The following CEP170B variants were observed in gnomAD, a reference collection of about 807,000 sequenced individuals.
The protein encoded by CEP170B is centrosomal protein of 170 kDa protein B.
CEP170B carries 55 observed loss-of-function variants against 120.6 expected under a neutral mutation model. That is an observed-to-expected ratio of 0.46 (90% CI 0.37 to 0.57). CEP170B has a LOEUF of 0.57. Among genes scored for constraint, CEP170B ranks in the 20% least tolerant of loss-of-function variants. The probability of loss-of-function intolerance (pLI) is 0.00; values close to 1 mark genes in which losing one functional copy is unlikely to be tolerated. For missense variants in CEP170B, 2,212 were observed against 2,253.3 expected, an observed-to-expected ratio of 0.98 and a Z score of 0.37; for synonymous variants, 1,033 against 954.5, an observed-to-expected ratio of 1.08 and a Z score of -1.52.
At chr14:104,872,114 G>A (rs975221361) in intron 2 of CEP170B, among the ~76,000 whole-genome samples, 3 of 151,950 alleles carry the variant, frequency 2.0e-5, no homozygotes, top group African/African-American at 4.8e-5. Context: ...CAGGGTGTGC[G>A]TGTGTGCGTC....
At chr14:104,880,678 C>A (rs1896101195) in intron 6 of CEP170B, among the ~76,000 whole-genome samples, 1 of 151,424 alleles carries the variant, frequency 6.6e-6, no homozygotes, top group South Asian at 2.1e-4. Context: ...CACTTCTGTA[C>A]ACACCTACCC....
upstream of CEP170B, chr14:104,865,213 C>G (rs1032297371): frequency 1.8e-4 from 1 of 5,460 alleles, no homozygotes; most frequent in Non-Finnish European, 4.2e-4. This position sits in a 1 kb window ranked among gnomAD's most constrained non-coding sequence, Gnocchi z 6.7. Context: ...GGGGGCGGGG[C>G]GGGCGGGGGC....
At position 104,894,775 on chromosome 14, in the gene CEP170B, C is replaced by T. The variant is rs756922470; in HGVS notation, c.4482C>T (p.Ala1494=). The T allele has an allele frequency of 1.2e-6, 2 of 1,605,058 alleles. No homozygotes were observed. Among genetic ancestry groups the T allele is most frequent in the South Asian group, 1.1e-5 (1 of 90,838 alleles). The change falls in exon 19 of 19, where the codon GCC becomes GCT. Residue 1494 remains alanine, a synonymous_variant. Transcript: ENST00000414716. The part of the protein sequence containing the change: ...LDLLTGNRSL[A]SSAQPGLGKG... ...TGCTCACAGGAAACAGGAGCTTGGC[C>T]AGCTCTGCACAGCCGGGGCTGGGGA...
rs77494727 is a variant in CEP170B, at chr14:104,881,681, A to C, written c.473-1047A>C. Among the ~76,000 whole-genome samples, 57 of 151,840 alleles carry C rather than the reference A, an allele frequency of 3.8e-4. No individual in the cohort carries two copies. The East Asian group carries it at 9.1e-3, about 24-fold the overall frequency. ...CAGCCTGGCTCCTTGGCTCCGTTAG[A>C]GCGAGGGCAGCACATTGTGGGGACC... On this transcript the variant is annotated intron_variant, in intron 6 of 18. Coordinates refer to ENST00000414716, the MANE Select transcript of CEP170B (RefSeq NM_001112726.3).
chr14:104,881,197 G>C (rs536562380), intron 6 of CEP170B, among the ~76,000 whole-genome samples: 274 of 152,254 alleles, frequency 1.8e-3, no homozygotes, highest in Non-Finnish European at 2.9e-3. Flanking sequence ...CTGGGAGGAG[G>C]ACAGCTGCAC....
intron 5 of CEP170B, among the ~76,000 whole-genome samples, chr14:104,880,046 C>G (rs1243931161): frequency 2.6e-5 from 4 of 152,146 alleles, no homozygotes; most frequent in Non-Finnish European, 4.4e-5. Context: ...CTGTCCTGCC[C>G]CACCCAAGCA....
Position 104,885,478 on chromosome 14 carries a change from G to A in CEP170B, c.1880G>A (p.Arg627Gln), listed in dbSNP as rs369304576. The A allele has an allele frequency of 2.0e-5, 31 of 1,563,700 alleles. No individual in the cohort carries two copies. Among genetic ancestry groups the A allele is most frequent in the South Asian group, 1.4e-4 (12 of 84,992 alleles). ...DESDDGGVAQ[R>Q]MALLQEFASR... is the part of the protein sequence containing the mutation. The stretch of plus-strand genomic sequence containing the variant: ...TCTGATGACGGGGGCGTGGCCCAGC[G>A]GATGGCGCTACTGCAGGAGTTTGCC... Residue 627 changes from arginine to glutamine, a missense_variant, in exon 10 of 19, where the codon CGG (arginine) becomes CAG (glutamine). Around this residue, in one of 2 missense-constraint regions of CEP170B, gnomAD observed 2,166 missense variants for 2,166.7 expected, o/e 1.00. Transcript: ENST00000414716.
intron 2 of CEP170B, among the ~76,000 whole-genome samples, chr14:104,872,908 T>C (rs1895649352): frequency 6.6e-6 from 1 of 152,188 alleles, no homozygotes; most frequent in Admixed American, 6.5e-5. Context: ...CCAAAATCCA[T>C]GTGTTTGGGG....
In CEP170B at chr14:104,872,357, T is replaced by C. The variant is rs1351255746; in HGVS notation, c.105+3802T>C. Among the ~76,000 whole-genome samples, 159 of 85,816 alleles carry C rather than the reference T, an allele frequency of 1.9e-3. 23 individuals are homozygous for C. Among genetic ancestry groups the C allele is most frequent in the African/African-American group, 6.5e-3 (155 of 23,736 alleles). The allele number at this position is 85,816 out of a possible 152,430, so 56.3% of individuals were successfully genotyped here. A position where few individuals can be genotyped will look rare whatever the true frequency, so the allele number is the denominator to read the frequency against. Reference sequence around the variant, plus strand: ...GGGTGTGCGTGTGTGTGCGTGTGTGTGCCGCGTGTGTGTGCCATGGGTGTG... The same window carrying C: ...GGGTGTGCGTGTGTGTGCGTGTGTGCGCCGCGTGTGTGTGCCATGGGTGTG... On this transcript the variant is annotated intron_variant, in intron 2 of 18. Transcript: ENST00000414716.
chr14:104,888,414 G>C (rs1010279968), intron 12 of CEP170B, among the ~76,000 whole-genome samples: 1 of 152,202 alleles, frequency 6.6e-6, no homozygotes, highest in African/African-American at 2.4e-5. Context: ...CTCAGTGAAG[G>C]GTGCCAAGTA....
At position 104,887,385 on chromosome 14, in the gene CEP170B, G is replaced by T; in HGVS notation, c.3146G>T (p.Gly1049Val). The T allele has an allele frequency of 6.2e-7, 1 of 1,612,174 alleles. No homozygotes were observed. Among genetic ancestry groups the T allele is most frequent in the South Asian group, 1.1e-5 (1 of 91,052 alleles). ...CTGGATTGGCCCAGTGAGGAGCGTGGCCCTGTCCTCGCCCACCTACCCAGC... is the reference window on the plus strand; with the variant it reads ...CTGGATTGGCCCAGTGAGGAGCGTGTCCCTGTCCTCGCCCACCTACCCAGC... The part of the protein sequence containing the change: ...GSLDWPSEER[G>V]PVLAHLPSSD... The change falls in exon 12 of 19, where the codon GGC becomes GTC. Residue 1049 changes from glycine (G) to valine (V), a missense_variant. By Grantham distance (109) the Gly-to-Val change is moderately radical (BLOSUM62 -3). Transcript: ENST00000414716.
chr14:104,886,143 A>G lies in CEP170B; in HGVS notation c.2035+13A>G. On this transcript the variant is annotated intron_variant, in intron 11 of 18. Coordinates refer to ENST00000414716, the MANE Select transcript of CEP170B (RefSeq NM_001112726.3). Reference sequence around the variant, plus strand: ...CCGGGCCTCACAGGTAAGTGGCTCCAGTGCTGCGGGGGAGTCGGGCCAGGC... The same window carrying G: ...CCGGGCCTCACAGGTAAGTGGCTCCGGTGCTGCGGGGGAGTCGGGCCAGGC... 1.3e-6 allele frequency: 2 copies of G among 1,525,680 alleles called. No homozygotes were observed. Among genetic ancestry groups the G allele is most frequent in the Non-Finnish European group, 8.8e-7 (1 of 1,137,852 alleles). The allele number at this position is 1,525,680 out of a possible 1,614,324, so 94.5% of individuals were successfully genotyped here.
chr14:104,869,900 T>G (rs939498950), intron 2 of CEP170B, among the ~76,000 whole-genome samples: 2 of 152,208 alleles, frequency 1.3e-5, no homozygotes, highest in African/African-American at 4.8e-5. Context: ...GCAGCTGGGA[T>G]GGACTAAGTC....
Position 104,865,697 on chromosome 14 carries a change from G to A in CEP170B, c.-28+184G>A, listed in dbSNP as rs2140601856. On this transcript the variant is annotated intron_variant, in intron 1 of 18. Coordinates refer to ENST00000414716, the MANE Select transcript of CEP170B (RefSeq NM_001112726.3). The surrounding 1 kb of genome is among the most constrained non-coding windows in gnomAD (Gnocchi z 6.7). ...CGCCGCGGAGGCGGCCCTGGTCTGC[G>A]CCAGGCCGGGAGGAGCCGCCCCGTT... Among the ~76,000 whole-genome samples, 1 of 151,856 alleles carries A rather than the reference G, an allele frequency of 6.6e-6. No individual in the cohort carries two copies. Among genetic ancestry groups the A allele is most frequent in the East Asian group, 1.9e-4 (1 of 5,154 alleles).
In CEP170B at chr14:104,894,789, C is replaced by G. The variant is rs767142336; in HGVS notation, c.4496C>G (p.Pro1499Arg). The change falls in exon 19 of 19, where the codon CCG becomes CGG. Residue 1499 changes from proline to arginine, a missense_variant. This residue lies in a region of CEP170B where 2,166 missense variants were observed against 2,166.7 expected (regional missense o/e 1.00). Transcript: ENST00000414716. ...GNRSLASSAQ[P>R]GLGKGRVAAQ... Reference sequence around the variant, plus strand: ...AGGAGCTTGGCCAGCTCTGCACAGCCGGGGCTGGGGAAGGGCCGCGTGGCT... The same window carrying G: ...AGGAGCTTGGCCAGCTCTGCACAGCGGGGGCTGGGGAAGGGCCGCGTGGCT... 4.4e-6 allele frequency: 7 copies of G among 1,607,240 alleles called. No individual in the cohort carries two copies. The highest frequency in any genetic ancestry group is 5.9e-6 in the Non-Finnish European group (7 of 1,178,950).
intron 5 of CEP170B, among the ~76,000 whole-genome samples, chr14:104,878,764 A>C (rs1895992600): frequency 6.8e-6 from 1 of 146,868 alleles, no homozygotes; most frequent in African/African-American, 2.4e-5. Flanking sequence ...ACTGTTGTGG[A>C]TGCAGCAGCA....
At position 104,868,666 on chromosome 14, in the gene CEP170B, G is replaced by T. The variant is rs918655632; in HGVS notation, c.105+111G>T. 3 of 1,032,102 alleles carry T rather than the reference G, an allele frequency of 2.9e-6. No individual in the cohort carries two copies. The highest frequency in any genetic ancestry group is 1.6e-5 in the African/African-American group (1 of 62,762). The allele number at this position is 1,032,102 out of a possible 1,614,324, so 63.9% of individuals were successfully genotyped here. A position where few individuals can be genotyped will look rare whatever the true frequency, so the allele number is the denominator to read the frequency against. On this transcript the variant is annotated intron_variant, in intron 2 of 18. Coordinates refer to ENST00000414716, the MANE Select transcript of CEP170B (RefSeq NM_001112726.3). The surrounding 1 kb of genome is among the most constrained non-coding windows in gnomAD (Gnocchi z 5.9). Reference sequence around the variant, plus strand: ...TGCAGGCCACCCTGGCGAGGAGGCCGCCATGCAGCCCAGGCTGGGCCTCTT... The same window carrying T: ...TGCAGGCCACCCTGGCGAGGAGGCCTCCATGCAGCCCAGGCTGGGCCTCTT...
At chr14:104,888,911 G>A (rs1318648292) in intron 12 of CEP170B, among the ~76,000 whole-genome samples, 5 of 152,332 alleles carry the variant, frequency 3.3e-5, no homozygotes, top group South Asian at 2.1e-4. Flanking sequence ...GTCCCTACCC[G>A]ACGTGGTGCA....
rs1029202066 is a variant in CEP170B, at chr14:104,882,921, C to T, written c.577+89C>T. ...TGGCCTGGGCTTGAGGAGCCCACTC[C>T]GGGGGACATGGGGCCTGTCTCCCCC... On this transcript the variant is annotated intron_variant, in intron 7 of 18. Coordinates refer to ENST00000414716, the MANE Select transcript of CEP170B (RefSeq NM_001112726.3). 68 of 1,468,106 alleles carry T rather than the reference C, an allele frequency of 4.6e-5. No individual in the cohort carries two copies. The East Asian group carries it at 5.3e-4, about 12-fold the overall frequency. The allele number at this position is 1,468,106 out of a possible 1,614,324, so 90.9% of individuals were successfully genotyped here.
Sources: gnomAD v4.1 joint callset for allele counts (sites outside exome capture counted in the v4.1 genomes callset) on GRCh38, gnomAD v4.1.1 for gene constraint, gnomAD v4.1.1 regional missense constraint, Gnocchi (gnomAD v3.1) non-coding constraint, MANE v1.5 for transcripts, NCBI Gene and HGNC (gene_info 2026-07-23, HGNC 2026-07-21) for gene names.